The following ADAMTSL1 variants were observed in gnomAD, a reference collection of about 807,000 sequenced individuals.
ADAMTSL1 encodes the protein ADAMTS like 1.
ADAMTSL1 carries 126 observed loss-of-function variants against 201.8 expected under a neutral mutation model. The observed-to-expected ratio is 0.62, with a 90% CI of 0.54 to 0.72. The LOEUF (loss-of-function observed/expected upper bound fraction) is 0.72. Ranked by LOEUF, ADAMTSL1 falls within the 30% of genes least tolerant of loss-of-function variation. The probability of loss-of-function intolerance (pLI) is 0.00; values close to 1 mark genes in which losing one functional copy is unlikely to be tolerated. For synonymous variants in ADAMTSL1, 1,121 were observed against 903.4 expected, an observed-to-expected ratio of 1.24 and a Z score of -4.32; for missense variants, 2,679 against 2,277.8, an observed-to-expected ratio of 1.18 and a Z score of -3.59.
At chr9:18,890,986 T>G (rs1318617850) in intron 25 of ADAMTSL1, among the ~76,000 whole-genome samples, 1 of 152,212 alleles carries the variant, frequency 6.6e-6, no homozygotes, top group African/African-American at 2.4e-5. Flanking sequence ...CGGGAGTTTT[T>G]AAACACCTCT....
At chr9:18,899,301 CACAA>C (rs1160834052) in intron 26 of ADAMTSL1, among the ~76,000 whole-genome samples, 1 of 152,044 alleles carries the variant, frequency 6.6e-6, no homozygotes, top group African/African-American at 2.4e-5. Flanking sequence ...TCAGAGAGGA[CACAA>C]ACAAATGGAG....
At chr9:18,499,103 G>A (rs1437783236) in intron 1 of ADAMTSL1, among the ~76,000 whole-genome samples, 3 of 152,216 alleles carry the variant, frequency 2.0e-5, no homozygotes, top group Non-Finnish European at 4.4e-5. Context: ...CAGTAGCAAG[G>A]GACAGGCTTC....
intron 4 of ADAMTSL1, among the ~76,000 whole-genome samples, chr9:18,618,094 G>T (rs1355438964): frequency 6.6e-6 from 1 of 152,136 alleles, no homozygotes; most frequent in African/African-American, 2.4e-5. Context: ...TAACATCGGT[G>T]TACTTGGGAA....
rs1268948107 is a variant in ADAMTSL1, at chr9:18,108,358, C to A, written c.88-55504C>A. On this transcript the variant is annotated intron_variant, in intron 1 of 29. Transcript: ENST00000680146. The stretch of plus-strand genomic sequence containing the variant: ...GGGAGTACAGGCTTGTGCCACCATG[C>A]CCAGCTAATTTTTAAATTTTTTGTT... Among the ~76,000 whole-genome samples, 8 of 152,048 alleles carry A rather than the reference C, an allele frequency of 5.3e-5. No individual in the cohort carries two copies. The East Asian group carries it at 1.6e-3, about 29-fold the overall frequency.
chr9:18,887,995 C>A lies in ADAMTSL1; in HGVS notation c.4414C>A (p.Gln1472Lys). Residue 1472 changes from glutamine (Q) to lysine (K), a missense_variant, in exon 24 of 29, where the codon CAG becomes AAG. By Grantham distance (53) the Gln-to-Lys change is moderately conservative. Transcript: ENST00000380548. ...TCAAGGGGAATTCAGCTGCCTTGCT[C>A]AGAATGAGGCAGGGGTGCTCATGCA... ...GSQGEFSCLA[Q>K]NEAGVLMQKA... is the part of the protein sequence containing the mutation. 1 of 1,613,918 alleles carries A rather than the reference C, an allele frequency of 6.2e-7. No homozygotes were observed. Among genetic ancestry groups the A allele is most frequent in the South Asian group, 1.1e-5 (1 of 91,066 alleles).
chr9:18,212,332 TTG>T (rs1267146189), intron 2 of ADAMTSL1, among the ~76,000 whole-genome samples: 1 of 152,218 alleles, frequency 6.6e-6, no homozygotes, highest in Non-Finnish European at 1.5e-5. Flanking sequence ...CCAATGTTTC[TTG>T]TGTGACATGA....
At chr9:18,231,532 T>A (rs1830645511) in intron 2 of ADAMTSL1, among the ~76,000 whole-genome samples, 1 of 152,152 alleles carries the variant, frequency 6.6e-6, no homozygotes, top group Non-Finnish European at 1.5e-5. Flanking sequence ...TTCCTCCTCA[T>A]CTCCAGGGCT....
At chr9:18,506,031 A>G (rs1817623936) in intron 2 of ADAMTSL1, among the ~76,000 whole-genome samples, 1 of 152,228 alleles carries the variant, frequency 6.6e-6, no homozygotes, top group Non-Finnish European at 1.5e-5. Flanking sequence ...TGGAAATGTT[A>G]TAACCTGAGA....
intron 14 of ADAMTSL1, among the ~76,000 whole-genome samples, chr9:18,720,444 GGGCA>G (rs1833265828): frequency 6.6e-6 from 1 of 152,146 alleles, no homozygotes; most frequent in African/African-American, 2.4e-5. Flanking sequence ...TATTATGACT[GGGCA>G]TCAAAATGAA....
rs538899201 is a variant in ADAMTSL1, at chr9:18,448,283, A to G, written c.208-56546A>G. 2.6e-5 allele frequency among the ~76,000 whole-genome samples: 4 copies of G among 152,286 alleles called. No individual in the cohort carries two copies. The East Asian group carries it at 5.8e-4, about 22-fold the overall frequency. Reference sequence around the variant, plus strand: ...GTCAAGGTTCTGCTGCCAGCCAGCCAGTGTGGGAAGGACACAGGACACTGG... The same window carrying G: ...GTCAAGGTTCTGCTGCCAGCCAGCCGGTGTGGGAAGGACACAGGACACTGG... On this transcript the variant is annotated intron_variant, in intron 2 of 29. Transcript: ENST00000680146.
At chr9:18,558,018 A>T (rs548226763) in intron 3 of ADAMTSL1, among the ~76,000 whole-genome samples, 38 of 152,000 alleles carry the variant, frequency 2.5e-4, no homozygotes, top group African/African-American at 7.2e-4. Context: ...TTGCTTTTTT[A>T]AAAAAATATA....
intron 1 of ADAMTSL1, among the ~76,000 whole-genome samples, chr9:18,060,858 T>C (rs1210545816): frequency 6.6e-6 from 1 of 152,224 alleles, no homozygotes; most frequent in Non-Finnish European, 1.5e-5. Flanking sequence ...ACTTTTTGGA[T>C]TGTCCTTGCT....
At chr9:18,473,187 G>C (rs1391052483), upstream of ADAMTSL1, among the ~76,000 whole-genome samples, 1 of 152,184 alleles carries the variant, frequency 6.6e-6, no homozygotes, top group Non-Finnish European at 1.5e-5. Flanking sequence ...GATAAAGGAC[G>C]TGGGTGAGGT....
intron 2 of ADAMTSL1, among the ~76,000 whole-genome samples, chr9:18,370,450 G>T (rs1370269940): frequency 6.6e-6 from 1 of 151,802 alleles, no homozygotes; most frequent in African/African-American, 2.4e-5. Flanking sequence ...TACCCCCCCC[G>T]AATCCATAAT....
At chr9:18,388,405 C>T (rs1186663826) in intron 2 of ADAMTSL1, among the ~76,000 whole-genome samples, 2 of 152,116 alleles carry the variant, frequency 1.3e-5, no homozygotes, top group East Asian at 1.9e-4. Context: ...TCCTGAGTAG[C>T]GGAAACTACA....
At chr9:18,238,281 T>A (rs1830925710) in intron 2 of ADAMTSL1, among the ~76,000 whole-genome samples, 1 of 152,242 alleles carries the variant, frequency 6.6e-6, no homozygotes, top group African/African-American at 2.4e-5. Context: ...GAAAAAGAAT[T>A]AAAATTCTTT....
chr9:18,120,118 C>T (rs1437343662), intron 1 of ADAMTSL1, among the ~76,000 whole-genome samples: 1 of 152,168 alleles, frequency 6.6e-6, no homozygotes, highest in Non-Finnish European at 1.5e-5. Flanking sequence ...TCTAGGGTTA[C>T]AGGAGTGGGC....
At chr9:18,394,608 A>G (rs548586705) in intron 2 of ADAMTSL1, among the ~76,000 whole-genome samples, 2 of 152,360 alleles carry the variant, frequency 1.3e-5, no homozygotes, top group African/African-American at 4.8e-5. Flanking sequence ...AACTGCAAAG[A>G]CAACAGGTTA....
chr9:17,973,086 T>G (rs1818282357), intron 1 of ADAMTSL1, among the ~76,000 whole-genome samples: 1 of 142,806 alleles, frequency 7.0e-6, no homozygotes, highest in Non-Finnish European at 1.5e-5. Flanking sequence ...ATGAGTAGGT[T>G]GCAAAAATTT....
Sources: allele counts gnomAD v4.1 joint callset (sites outside exome capture counted in the v4.1 genomes callset), GRCh38; gene constraint gnomAD v4.1.1; transcripts MANE v1.5; gene names NCBI Gene and HGNC (gene_info 2026-07-23, HGNC 2026-07-21).